The following FYB1 variants were observed in gnomAD, a reference collection of about 807,000 sequenced individuals.
The protein encoded by FYB1 is FYN-binding protein 1.
Under a neutral mutation model 94.1 loss-of-function variants are expected in FYB1, and 41 were observed. The ratio of observed to expected loss-of-function variants is 0.44; its 90% CI spans 0.34 to 0.57. FYB1 has a LOEUF of 0.57. Among genes scored for constraint, FYB1 ranks in the 20% least tolerant of loss-of-function variants. FYB1 has a pLI of 0.02. For synonymous variants in FYB1, 367 were observed against 353.2 expected, an observed-to-expected ratio of 1.04 and a Z score of -0.44; for missense variants, 1,050 against 976.8, an observed-to-expected ratio of 1.07 and a Z score of -1.00.
At chr5:39,227,030 T>A (rs970401527) in intron 1 of FYB1, among the ~76,000 whole-genome samples, 2 of 152,220 alleles carry the variant, frequency 1.3e-5, no homozygotes, top group Non-Finnish European at 2.9e-5. Flanking sequence ...GTGCAGAGAA[T>A]AAAACTCACA....
intron 1 of FYB1, among the ~76,000 whole-genome samples, chr5:39,255,639 G>A (rs117739245): frequency 9.2e-5 from 14 of 152,138 alleles, no homozygotes; most frequent in East Asian, 7.7e-4. Context: ...AGCTGCCTAC[G>A]CAGAGGACAA....
chr5:39,108,191 A>T (rs1738702650), intron 18 of FYB1, 40 bp downstream of exon 18: 1 of 1,479,650 alleles, frequency 6.8e-7, no homozygotes, highest in Admixed American at 2.0e-5. Flanking sequence ...CAGTAAATTC[A>T]CTATGACTGT....
At chr5:39,168,785 T>C (rs1744976903) in intron 2 of FYB1, among the ~76,000 whole-genome samples, 1 of 146,246 alleles carries the variant, frequency 6.8e-6, no homozygotes, top group South Asian at 2.1e-4. Context: ...AATGAATATG[T>C]AATAATCATT....
chr5:39,238,655 G>C (rs1038620525), intron 1 of FYB1, among the ~76,000 whole-genome samples: 2 of 152,058 alleles, frequency 1.3e-5, no homozygotes, highest in African/African-American at 4.8e-5. Flanking sequence ...CAAAGTGTCT[G>C]CATACAATCT....
chr5:39,169,914 C>T lies in FYB1; in HGVS notation c.1136-16310G>A. ...TTCCTTTTTCCTTTTTGATTTCCACCCTCCCAGTAGGCTCCTTCTGTGAAC... is the reference window on the plus strand; with the variant it reads ...TTCCTTTTTCCTTTTTGATTTCCACTCTCCCAGTAGGCTCCTTCTGTGAAC... On this transcript the variant is annotated intron_variant, in intron 2 of 18. Coordinates refer to ENST00000512982, the MANE Select transcript of FYB1 (RefSeq NM_001465.6). 2.4e-5 allele frequency: 15 copies of T among 619,680 alleles called. 1 individual carries two copies. Among genetic ancestry groups the T allele is most frequent in the South Asian group, 2.2e-4 (15 of 68,194 alleles). 38.4% of individuals were successfully genotyped at this position (619,680 alleles called of 1,614,324 possible). A position where few individuals can be genotyped will look rare whatever the true frequency, so the allele number is the denominator to read the frequency against.
At chr5:39,199,199 A>G (rs1249090135) in intron 2 of FYB1, among the ~76,000 whole-genome samples, 5 of 152,086 alleles carry the variant, frequency 3.3e-5, no homozygotes, top group African/African-American at 9.7e-5. Flanking sequence ...AAATTTTGCT[A>G]CAACAGAAAT....
At chr5:39,144,019 A>G (rs1742419870) in intron 3 of FYB1, among the ~76,000 whole-genome samples, 1 of 152,226 alleles carries the variant, frequency 6.6e-6, no homozygotes, top group Non-Finnish European at 1.5e-5. Context: ...GAATAAGCCA[A>G]ACTCATAGTA....
At chr5:39,145,379 T>G (rs1473821921) in intron 3 of FYB1, among the ~76,000 whole-genome samples, 1 of 152,160 alleles carries the variant, frequency 6.6e-6, no homozygotes, top group Non-Finnish European at 1.5e-5. Flanking sequence ...ATACACGCAA[T>G]ATGAAACATC....
chr5:39,190,924 A>G (rs1747300030), intron 2 of FYB1, among the ~76,000 whole-genome samples: 1 of 152,178 alleles, frequency 6.6e-6, no homozygotes, highest in South Asian at 2.1e-4. Flanking sequence ...TCAATGACTG[A>G]GAGCACATGA....
chr5:39,255,702 T>C (rs915169023), intron 1 of FYB1, among the ~76,000 whole-genome samples: 1 of 152,186 alleles, frequency 6.6e-6, no homozygotes, highest in Non-Finnish European at 1.5e-5. Flanking sequence ...CTGTATACTT[T>C]AAAGCCAAAG....
At chr5:39,198,818 G>A (rs888359512) in intron 2 of FYB1, among the ~76,000 whole-genome samples, 4 of 151,926 alleles carry the variant, frequency 2.6e-5, no homozygotes, top group Non-Finnish European at 5.9e-5. Context: ...GATGTAACCC[G>A]ATCACAAGTC....
intron 1 of FYB1, among the ~76,000 whole-genome samples, chr5:39,264,823 G>A (rs1213894776): frequency 6.6e-6 from 1 of 152,102 alleles, no homozygotes; most frequent in Non-Finnish European, 1.5e-5. Context: ...GCTTCAGCCT[G>A]AACATCCCCT....
chr5:39,229,904 G>A (rs917849546), intron 1 of FYB1, among the ~76,000 whole-genome samples: 10 of 152,156 alleles, frequency 6.6e-5, no homozygotes, highest in Non-Finnish European at 1.3e-4. Flanking sequence ...AGCCAGGCCC[G>A]TGTGGTTCAA....
At chr5:39,272,426 A>G (rs1752690939) in intron 1 of FYB1, among the ~76,000 whole-genome samples, 1 of 151,964 alleles carries the variant, frequency 6.6e-6, no homozygotes, top group South Asian at 2.1e-4. Context: ...GCACTTTGGG[A>G]GGCCGAGGCA....
At chr5:39,181,632 A>T (rs1337099507) in intron 2 of FYB1, among the ~76,000 whole-genome samples, 3 of 152,180 alleles carry the variant, frequency 2.0e-5, no homozygotes, top group Non-Finnish European at 4.4e-5. Context: ...AACATGTTCA[A>T]AATAAAAATC....
chr5:39,137,385 A>C (rs867099986), intron 7 of FYB1: 7 of 399,568 alleles, frequency 1.8e-5, no homozygotes, highest in South Asian at 1.7e-4. Context: ...GTGTCCACTA[A>C]TTATGAACCA....
intron 11 of FYB1, among the ~76,000 whole-genome samples, chr5:39,126,577 G>C (rs1208321320): frequency 6.6e-6 from 1 of 151,200 alleles, no homozygotes; most frequent in East Asian, 2.0e-4. Context: ...CACACCTGTG[G>C]TCCCAGCTGC....
chr5:39,214,328 TG>T (rs1165737242), intron 1 of FYB1, among the ~76,000 whole-genome samples: 2 of 152,228 alleles, frequency 1.3e-5, no homozygotes, highest in Admixed American at 1.3e-4. Flanking sequence ...GAAAACAGTA[TG>T]GTGGTTATTC....
chr5:39,253,883 A>G (rs942972174), intron 1 of FYB1, among the ~76,000 whole-genome samples: 2 of 152,090 alleles, frequency 1.3e-5, no homozygotes, highest in African/African-American at 4.8e-5. Flanking sequence ...GTTGCCCTCT[A>G]TGAGTCCATG....
Sources: allele counts gnomAD v4.1 joint callset (sites outside exome capture counted in the v4.1 genomes callset), GRCh38; gene constraint gnomAD v4.1.1; transcripts MANE v1.5; gene names NCBI Gene and HGNC (gene_info 2026-07-23, HGNC 2026-07-21).